The following SLC35F3 variants were observed in gnomAD, a reference collection of about 807,000 sequenced individuals.
The protein encoded by SLC35F3 is putative thiamine transporter SLC35F3.
In SLC35F3, 25 loss-of-function variants were observed where a neutral mutation model predicts 49.9. That is an observed-to-expected ratio of 0.50 (90% CI 0.37 to 0.70). The LOEUF (loss-of-function observed/expected upper bound fraction) is 0.70. Ranked by LOEUF, SLC35F3 falls within the 30% of genes least tolerant of loss-of-function variation. The pLI is 0.00. For missense variants in SLC35F3, 525 were observed against 639.8 expected, an observed-to-expected ratio of 0.82 and a Z score of 1.94; for synonymous variants, 275 against 265.4, an observed-to-expected ratio of 1.04 and a Z score of -0.35.
At chr1:234,054,055 C>A (rs1318272219) in intron 2 of SLC35F3, among the ~76,000 whole-genome samples, 1 of 152,192 alleles carries the variant, frequency 6.6e-6, no homozygotes, top group Non-Finnish European at 1.5e-5. Context: ...CCAGACCTTT[C>A]TCTCTGGCAC....
At chr1:234,143,288 C>CTTTTCTTTTCTTTTCTT (rs1478216426) in intron 2 of SLC35F3, among the ~76,000 whole-genome samples, 1 of 123,564 alleles carries the variant, frequency 8.1e-6, no homozygotes, top group East Asian at 3.1e-4. Context: ...CTTTTCTTTT[C>CTTTTCTTTTCTTTTCTT]TTTTTTTTTT....
intron 2 of SLC35F3, among the ~76,000 whole-genome samples, chr1:234,148,175 G>A (rs1227135324): frequency 6.6e-6 from 1 of 152,180 alleles, no homozygotes; most frequent in African/African-American, 2.4e-5. Flanking sequence ...ACCTCCAGGT[G>A]GAAGATATCT....
At chr1:234,280,805 G>C (rs1031145560) in intron 3 of SLC35F3, among the ~76,000 whole-genome samples, 1 of 152,164 alleles carries the variant, frequency 6.6e-6, no homozygotes, top group African/African-American at 2.4e-5. Flanking sequence ...GGAAACTGAG[G>C]CTCAGAGAGA....
chr1:233,980,185 G>A (rs1663158141), intron 2 of SLC35F3, among the ~76,000 whole-genome samples: 1 of 152,180 alleles, frequency 6.6e-6, no homozygotes, highest in Non-Finnish European at 1.5e-5. Flanking sequence ...TTGGTGTTGG[G>A]AAGAATGAGA....
intron 2 of SLC35F3, among the ~76,000 whole-genome samples, chr1:233,984,506 C>T (rs531366560): frequency 6.6e-6 from 1 of 152,270 alleles, no homozygotes; most frequent in East Asian, 1.9e-4. Context: ...CAAATCAATA[C>T]GTGGAGGTTA....
chr1:234,062,429 C>T (rs1298643660), intron 2 of SLC35F3, among the ~76,000 whole-genome samples: 1 of 152,174 alleles, frequency 6.6e-6, no homozygotes, highest in African/African-American at 2.4e-5. Flanking sequence ...TATTGTGGCT[C>T]TTTTGAATAG....
rs1310611847 is a variant in SLC35F3, at chr1:234,309,242, C to T, written c.750C>T (p.Ser250=). The change falls in exon 4 of 8, where the codon TCC becomes TCT. Residue 250 remains serine, a synonymous_variant. Coordinates refer to ENST00000366618, the MANE Select transcript of SLC35F3 (RefSeq NM_173508.4). ...AGAAAATAAACACTACGGATGTCTC[C>T]GTGTTGTTCTGCTGCAACAAAGCTT... ...AIKKINTTDV[S]VLFCCNKAFV... The T allele has an allele frequency of 6.2e-6, 10 of 1,614,104 alleles. No individual in the cohort carries two copies. Among genetic ancestry groups the T allele is most frequent in the East Asian group, 2.2e-5 (1 of 44,898 alleles).
intron 2 of SLC35F3, among the ~76,000 whole-genome samples, chr1:233,991,414 C>T (rs1663352103): frequency 6.6e-6 from 1 of 151,368 alleles, no homozygotes; most frequent in African/African-American, 2.4e-5. Flanking sequence ...TCATCAGATC[C>T]TGCAAACTAA....
chr1:233,907,479 G>T (rs1377652732), intron 2 of SLC35F3, among the ~76,000 whole-genome samples: 1 of 152,184 alleles, frequency 6.6e-6, no homozygotes, highest in Non-Finnish European at 1.5e-5. Flanking sequence ...AGGCTTCACT[G>T]GAAGAGTAAA....
chr1:234,161,636 C>CA (rs1272653244), intron 2 of SLC35F3, among the ~76,000 whole-genome samples: 2 of 151,920 alleles, frequency 1.3e-5, no homozygotes, highest in African/African-American at 2.4e-5. Flanking sequence ...AAATGTAAAA[C>CA]AAAAAATACG....
At chr1:234,275,947 A>C (rs1668203351) in intron 3 of SLC35F3, among the ~76,000 whole-genome samples, 1 of 152,064 alleles carries the variant, frequency 6.6e-6, no homozygotes, top group African/African-American at 2.4e-5. Context: ...AGACTGAGGC[A>C]CCAGCAGCTT....
intron 2 of SLC35F3, among the ~76,000 whole-genome samples, chr1:234,147,426 G>C (rs997103261): frequency 6.6e-6 from 1 of 151,644 alleles, no homozygotes; most frequent in Non-Finnish European, 1.5e-5. Context: ...TCATATTATT[G>C]CTTCATATTT....
At chr1:234,015,776 C>G (rs952534124) in intron 2 of SLC35F3, among the ~76,000 whole-genome samples, 3 of 152,092 alleles carry the variant, frequency 2.0e-5, no homozygotes, top group African/African-American at 7.2e-5. Context: ...TCCAAATGCT[C>G]CAGTACCAAA....
chr1:234,179,884 G>A (rs1051278347), intron 2 of SLC35F3, among the ~76,000 whole-genome samples: 13 of 152,130 alleles, frequency 8.5e-5, no homozygotes, highest in Non-Finnish European at 8.8e-5. Flanking sequence ...TCTTTAGAAC[G>A]AAAGAGCAAA....
chr1:234,091,120 A>G (rs1199683932), intron 2 of SLC35F3, among the ~76,000 whole-genome samples: 2 of 152,230 alleles, frequency 1.3e-5, no homozygotes, highest in East Asian at 1.9e-4. Flanking sequence ...ACAAAAATAG[A>G]TATAATAAAA....
At chr1:234,064,843 T>G (rs1664592696) in intron 2 of SLC35F3, among the ~76,000 whole-genome samples, 1 of 152,062 alleles carries the variant, frequency 6.6e-6, no homozygotes, top group African/African-American at 2.4e-5. Flanking sequence ...AGTAAGGAAC[T>G]CTAGTGCATT....
chr1:234,103,561 A>G (rs2102883510), intron 2 of SLC35F3, among the ~76,000 whole-genome samples: 1 of 152,180 alleles, frequency 6.6e-6, no homozygotes, highest in East Asian at 1.9e-4. Context: ...ATGCCACTAT[A>G]GCCAGCTTCA....
intron 2 of SLC35F3, among the ~76,000 whole-genome samples, chr1:234,191,344 G>T (rs1435554464): frequency 6.6e-6 from 1 of 152,120 alleles, no homozygotes; most frequent in Non-Finnish European, 1.5e-5. Context: ...GCTCCTGAAT[G>T]ATCACTGGGT....
rs77580285 is a variant in SLC35F3 at position 233,905,408 on chromosome 1, G to A, written c.54-121G>A. 2.5e-3 allele frequency: 2,001 copies of A among 793,076 alleles called. 17 individuals are homozygous for A. The highest frequency in any genetic ancestry group is 0.018 in the African/African-American group (1,058 of 57,564). The allele number at this position is 793,076 out of a possible 1,614,324, so 49.1% of individuals were successfully genotyped here. The stretch of plus-strand genomic sequence containing the variant: ...GAGCGCGGGCTCTGCCGCGGCGCTC[G>A]CCCCCGGAGGGCCCCGGCCGCGCTC... On this transcript the variant is annotated intron_variant, in intron 1 of 7. Transcript: ENST00000366618.
Sources: gnomAD v4.1 joint callset for allele counts (sites outside exome capture counted in the v4.1 genomes callset) on GRCh38, gnomAD v4.1.1 for gene constraint, MANE v1.5 for transcripts, NCBI Gene and HGNC (gene_info 2026-07-23, HGNC 2026-07-21) for gene names.